ZFHX3: variants seen among roughly 807,000 people sequenced by gnomAD.
The protein encoded by ZFHX3 is zinc finger homeobox protein 3.
A neutral mutation model predicts 279.1 loss-of-function variants in ZFHX3; 42 were observed. The ratio of observed to expected loss-of-function variants is 0.15; its 90% CI spans 0.12 to 0.19. The LOEUF is 0.19. Among genes scored for constraint, ZFHX3 ranks in the 10% least tolerant of loss-of-function variants. The pLI, the probability that ZFHX3 is intolerant of heterozygous loss-of-function variation, is 1.00. For synonymous variants in ZFHX3, 2,293 were observed against 1,957.8 expected, an observed-to-expected ratio of 1.17 and a Z score of -4.52; for missense variants, 4,981 against 4,754.0, an observed-to-expected ratio of 1.05 and a Z score of -1.40.
intron 3 of ZFHX3, among the ~76,000 whole-genome samples, chr16:72,948,434 C>A (rs1037681618): frequency 1.3e-5 from 2 of 152,150 alleles, no homozygotes; most frequent in African/African-American, 4.8e-5. Flanking sequence ...GCCAGCAGTG[C>A]AGAAACATGC....
intron 2 of ZFHX3, among the ~76,000 whole-genome samples, chr16:73,648,968 G>C (rs1426535892): frequency 6.6e-6 from 1 of 152,064 alleles, no homozygotes; most frequent in Non-Finnish European, 1.5e-5. Flanking sequence ...ATGTTAAAAA[G>C]TCCTCTAGAT....
intron 2 of ZFHX3, among the ~76,000 whole-genome samples, chr16:73,658,686 A>G (rs2052748797): frequency 6.6e-6 from 1 of 152,246 alleles, no homozygotes; most frequent in Non-Finnish European, 1.5e-5. Flanking sequence ...CCATTTTTTA[A>G]TAATACCAAG....
chr16:73,471,527 G>C (rs1332789878), intron 2 of ZFHX3, among the ~76,000 whole-genome samples: 1 of 152,102 alleles, frequency 6.6e-6, no homozygotes, highest in Non-Finnish European at 1.5e-5. Context: ...TCCTGCCTCA[G>C]CCTCCCAAGT....
At chr16:73,023,840 T>A (rs1003942923) in intron 1 of ZFHX3, among the ~76,000 whole-genome samples, 5 of 152,138 alleles carry the variant, frequency 3.3e-5, no homozygotes, top group African/African-American at 1.2e-4. Flanking sequence ...AAAGGCCACG[T>A]GGCTCCATCC....
intron 4 of ZFHX3, among the ~76,000 whole-genome samples, chr16:72,877,403 G>A (rs1482775821): frequency 2.0e-5 from 3 of 152,038 alleles, no homozygotes; most frequent in African/African-American, 4.8e-5. Flanking sequence ...CTAATAGTGA[G>A]ATCAAATTCT....
chr16:72,958,685 T>TTCC lies in ZFHX3; in HGVS notation c.1458_1460dup (p.Glu487dup). The TTCC allele has an allele frequency of 6.2e-7, 1 of 1,611,512 alleles. No homozygotes were observed. The highest frequency in any genetic ancestry group is 8.5e-7 in the Non-Finnish European group (1 of 1,178,618). ...GAAAGAGTCCTTTGCAACCCTCGTCTTCCTCCTCCTCTTCTTCCTCCTCCT... is the reference window on the plus strand; with the variant it reads ...GAAAGAGTCCTTTGCAACCCTCGTCTTCCTCCTCCTCCTCTTCTTCCTCCTCCT... On this transcript the variant is annotated inframe_insertion, in exon 2 of 10. Transcript: ENST00000268489.
chr16:73,269,393 T>C (rs2014079068), intron 4 of ZFHX3, among the ~76,000 whole-genome samples: 1 of 152,252 alleles, frequency 6.6e-6, no homozygotes, highest in African/African-American at 2.4e-5. Flanking sequence ...TTCTGCTTTT[T>C]CCACAATGCC....
intron 4 of ZFHX3, among the ~76,000 whole-genome samples, chr16:73,265,679 G>A (rs2013954570): frequency 6.6e-6 from 1 of 152,138 alleles, no homozygotes; most frequent in African/African-American, 2.4e-5. Flanking sequence ...GACCTCAACA[G>A]CCCTCCTGGA....
At chr16:73,772,437 C>A (rs2054028711) in intron 1 of ZFHX3, among the ~76,000 whole-genome samples, 1 of 152,194 alleles carries the variant, frequency 6.6e-6, no homozygotes, top group Admixed American at 6.5e-5. Context: ...ATGGGAAAGG[C>A]CTGCCCCCAT....
chr16:73,445,243 CAT>C (rs2018163126), intron 3 of ZFHX3, among the ~76,000 whole-genome samples: 2 of 149,498 alleles, frequency 1.3e-5, no homozygotes, highest in African/African-American at 4.9e-5. Flanking sequence ...TGTATGTATA[CAT>C]ATGTGTATAT....
At chr16:73,679,029 C>T (rs1368703708) in intron 2 of ZFHX3, among the ~76,000 whole-genome samples, 2 of 152,054 alleles carry the variant, frequency 1.3e-5, no homozygotes, top group Middle Eastern at 3.2e-3. Context: ...ATAGTCCAAG[C>T]CTGGCTCGTG....
chr16:73,806,617 T>C (rs1037015902), intron 1 of ZFHX3, among the ~76,000 whole-genome samples: 1 of 152,050 alleles, frequency 6.6e-6, no homozygotes, highest in East Asian at 1.9e-4. Flanking sequence ...GTCAAGTAAA[T>C]CAAATGAGCC....
At chr16:72,932,094 G>A (rs1959842809) in intron 3 of ZFHX3, among the ~76,000 whole-genome samples, 1 of 152,092 alleles carries the variant, frequency 6.6e-6, no homozygotes, top group African/African-American at 2.4e-5. Flanking sequence ...AACTACCAAG[G>A]AGTATAGTTC....
intron 1 of ZFHX3, among the ~76,000 whole-genome samples, chr16:73,886,870 TAAATGTCCTAGCTGAAGGACCAGTCTG>T: frequency 6.6e-6 from 1 of 152,210 alleles, no homozygotes; most frequent in Non-Finnish European, 1.5e-5. Context: ...TTGGGAACTA[TAAATGTCCTAGCTGAAGGACCAGTCTG>T]TCACTGATTA....
chr16:73,038,578 G>A (rs1964996324), intron 1 of ZFHX3, among the ~76,000 whole-genome samples: 1 of 152,080 alleles, frequency 6.6e-6, no homozygotes, highest in Admixed American at 6.5e-5. Flanking sequence ...GTGAAATCGT[G>A]GGTTGCTGAA....
intron 1 of ZFHX3, among the ~76,000 whole-genome samples, chr16:73,023,402 C>T (rs986731390): frequency 1.3e-5 from 2 of 152,154 alleles, no homozygotes; most frequent in Non-Finnish European, 2.9e-5. Flanking sequence ...CACAAGGGGC[C>T]TGGAGCAGGC....
chr16:73,290,450 AG>A (rs1161821443), intron 4 of ZFHX3, among the ~76,000 whole-genome samples: 2 of 152,174 alleles, frequency 1.3e-5, no homozygotes, highest in Non-Finnish European at 2.9e-5. Context: ...TGGGGTGGGC[AG>A]GGGCCTGTTT....
intron 4 of ZFHX3, among the ~76,000 whole-genome samples, chr16:72,849,507 C>T (rs2037559796): frequency 6.6e-6 from 1 of 152,192 alleles, no homozygotes; most frequent in Non-Finnish European, 1.5e-5. Context: ...AGTCCCAACC[C>T]ATGCCCTGCC....
Position 72,785,771 on chromosome 16 carries a change from A to G in ZFHX3, c.*1393T>C, listed in dbSNP as rs748001610. The G allele has an allele frequency of 2.0e-5, 3 of 152,166 alleles. No homozygotes were observed. Among genetic ancestry groups the G allele is most frequent in the African/African-American group, 4.8e-5 (2 of 41,442 alleles). 9.4% of individuals were successfully genotyped at this position (152,166 alleles called of 1,614,324 possible). A position where few individuals can be genotyped will look rare whatever the true frequency, so the allele number is the denominator to read the frequency against. On this transcript the variant is annotated 3_prime_UTR_variant, in exon 10 of 10. Transcript: ENST00000268489. ...ACAAATCCTTTAGTATAGAAAAAAA[A>G]AGAATATTTGAAGCTCCTACCAAAC...
Sources: allele counts gnomAD v4.1 joint callset (sites outside exome capture counted in the v4.1 genomes callset), GRCh38; gene constraint gnomAD v4.1.1; transcripts MANE v1.5; gene names NCBI Gene and HGNC (gene_info 2026-07-23, HGNC 2026-07-21).